The following ASIC2 variants were observed in gnomAD, a reference collection of about 807,000 sequenced individuals.
The protein encoded by ASIC2 is acid-sensing ion channel 2.
A neutral mutation model predicts 57.3 loss-of-function variants in ASIC2; 25 were observed. That is an observed-to-expected ratio of 0.44 (90% CI 0.32 to 0.61). ASIC2 has a LOEUF of 0.61. Among genes scored for constraint, ASIC2 ranks in the 20% least tolerant of loss-of-function variants. ASIC2 has a pLI of 0.06. For synonymous variants in ASIC2, 319 were observed against 307.5 expected (o/e 1.04, Z -0.39); for missense variants, 641 against 738.1 (o/e 0.87, Z 1.52).
intron 1 of ASIC2, among the ~76,000 whole-genome samples, chr17:34,063,140 C>A (rs11653814): frequency 0.87 from 132,502 of 152,152 alleles, 57,848 homozygotes; most frequent in South Asian, 0.9. Context: ...AGCTAACTGA[C>A]TCCAACAACA....
At chr17:33,220,211 A>T (rs2142096736) in intron 1 of ASIC2, among the ~76,000 whole-genome samples, 1 of 152,290 alleles carries the variant, frequency 6.6e-6, no homozygotes. Flanking sequence ...CTGTGTTTAC[A>T]TGCCTCCAGG....
chr17:33,621,341 G>A (rs34635308), intron 1 of ASIC2, among the ~76,000 whole-genome samples: 8,130 of 152,284 alleles, frequency 0.053, 648 homozygotes, highest in African/African-American at 0.17. Flanking sequence ...GTCAGTAAAT[G>A]TTTATTAGAT....
intron 1 of ASIC2, among the ~76,000 whole-genome samples, chr17:33,232,745 T>G (rs1908154701): frequency 6.6e-6 from 1 of 152,196 alleles, no homozygotes; most frequent in African/African-American, 2.4e-5. Flanking sequence ...TGACATTTTT[T>G]CAATTCAAAT....
intron 1 of ASIC2, among the ~76,000 whole-genome samples, chr17:33,813,013 A>T (rs565901986): frequency 5.3e-5 from 8 of 152,258 alleles, no homozygotes; most frequent in Admixed American, 6.5e-5. Context: ...TGATATCCTC[A>T]TCTGGTGCCA....
chr17:33,742,054 G>A (rs1396480594), intron 1 of ASIC2, among the ~76,000 whole-genome samples: 5 of 152,168 alleles, frequency 3.3e-5, no homozygotes, highest in Non-Finnish European at 7.3e-5. Context: ...GAAACTTTAG[G>A]AGAAATGGGG....
intron 1 of ASIC2, among the ~76,000 whole-genome samples, chr17:33,912,240 T>TC (rs1370256595): frequency 2.7e-5 from 4 of 146,634 alleles, no homozygotes. Context: ...ACGCCTGTAA[T>TC]CCCGGCGCAT....
At chr17:33,783,389 T>C (rs1344993403) in intron 1 of ASIC2, among the ~76,000 whole-genome samples, 1 of 152,228 alleles carries the variant, frequency 6.6e-6, no homozygotes, top group Non-Finnish European at 1.5e-5. Flanking sequence ...GAGATAGTGA[T>C]TGCACTTACA....
intron 1 of ASIC2, among the ~76,000 whole-genome samples, chr17:33,470,812 A>T (rs1225637728): frequency 1.3e-5 from 2 of 152,194 alleles, no homozygotes; most frequent in Non-Finnish European, 2.9e-5. Flanking sequence ...AGTTCACAGC[A>T]TTCACCTGTA....
intron 3 of ASIC2, among the ~76,000 whole-genome samples, chr17:33,073,721 A>T (rs2092078474): frequency 6.6e-6 from 1 of 152,228 alleles, no homozygotes; most frequent in Admixed American, 6.5e-5. Context: ...ATGGGAAACA[A>T]TGTTGAGGGA....
At chr17:33,650,554 T>C (rs1043737063) in intron 1 of ASIC2, among the ~76,000 whole-genome samples, 1 of 152,238 alleles carries the variant, frequency 6.6e-6, no homozygotes, top group Non-Finnish European at 1.5e-5. Context: ...TTATTCGTAA[T>C]AGCGAAAACC....
At chr17:33,690,966 G>T (rs976200789) in intron 1 of ASIC2, among the ~76,000 whole-genome samples, 5 of 151,914 alleles carry the variant, frequency 3.3e-5, no homozygotes, top group African/African-American at 1.2e-4. Context: ...AGCCAGGATG[G>T]TCTCCATCTC....
At chr17:33,871,314 T>C (rs968484553) in intron 1 of ASIC2, among the ~76,000 whole-genome samples, 1 of 152,062 alleles carries the variant, frequency 6.6e-6, no homozygotes, top group African/African-American at 2.4e-5. Context: ...CCTCTACAAA[T>C]GGAAAGTATT....
At chr17:33,109,235 T>C (rs139719216) in intron 2 of ASIC2, among the ~76,000 whole-genome samples, 109 of 152,298 alleles carry the variant, frequency 7.2e-4, no homozygotes, top group African/African-American at 2.6e-3. Flanking sequence ...TCCCCCAAAA[T>C]CTATTGAAAT....
chr17:33,585,613 G>A (rs543848825), intron 1 of ASIC2, among the ~76,000 whole-genome samples: 1 of 152,264 alleles, frequency 6.6e-6, no homozygotes, highest in South Asian at 2.1e-4. Flanking sequence ...TGGCCAGAAA[G>A]CCCCAGGAGT....
chr17:34,041,217 G>C (rs1454028780), intron 1 of ASIC2: 1 of 152,264 alleles, frequency 6.6e-6, no homozygotes, highest in Non-Finnish European at 1.5e-5. Context: ...GCAAAAGACA[G>C]TAGGGTTCCA....
intron 1 of ASIC2, among the ~76,000 whole-genome samples, chr17:33,607,816 C>A (rs768564562): frequency 2.6e-5 from 4 of 152,146 alleles, no homozygotes; most frequent in Non-Finnish European, 5.9e-5. Flanking sequence ...CATCTGGGCA[C>A]CGCATTCTTA....
At chr17:33,899,025 T>C (rs781283579) in intron 1 of ASIC2, among the ~76,000 whole-genome samples, 1 of 151,900 alleles carries the variant, frequency 6.6e-6, no homozygotes, top group Non-Finnish European at 1.5e-5. Context: ...ATCCTCAAGT[T>C]TGAAGAAACA....
chr17:33,535,165 G>A (rs1915186615), intron 1 of ASIC2, among the ~76,000 whole-genome samples: 1 of 152,184 alleles, frequency 6.6e-6, no homozygotes, highest in South Asian at 2.1e-4. Context: ...AATCTGTGTA[G>A]GGAAGTGGTT....
chr17:33,116,157 G>A (rs1017191571), intron 1 of ASIC2, among the ~76,000 whole-genome samples: 3 of 152,210 alleles, frequency 2.0e-5, no homozygotes, highest in Non-Finnish European at 4.4e-5. Flanking sequence ...AAAGCGAAAC[G>A]CCCGCTCCCT....
Sources: allele counts gnomAD v4.1 joint callset (sites outside exome capture counted in the v4.1 genomes callset), GRCh38; gene constraint gnomAD v4.1.1; transcripts MANE v1.5; gene names NCBI Gene and HGNC (gene_info 2026-07-23, HGNC 2026-07-21).